The following FNDC3B variants were observed in gnomAD, a reference collection of about 807,000 sequenced individuals.
FNDC3B encodes fibronectin type III domain-containing protein 3B.
FNDC3B carries 12 observed loss-of-function variants against 151.5 expected under a neutral mutation model. That is an observed-to-expected ratio of 0.08 (90% CI 0.05 to 0.13). The LOEUF is 0.13. Ranked by LOEUF, FNDC3B falls within the 10% of genes least tolerant of loss-of-function variation. The pLI is 1.00. For missense variants in FNDC3B, 1,214 were observed against 1,505.3 expected (o/e 0.81, Z 3.20); for synonymous variants, 528 against 549.0 (o/e 0.96, Z 0.54).
chr3:172,153,568 C>T (rs1188451202), intron 3 of FNDC3B, among the ~76,000 whole-genome samples: 4 of 152,144 alleles, frequency 2.6e-5, no homozygotes, highest in East Asian at 3.9e-4. Flanking sequence ...CAGCGGGATA[C>T]GGAACAAATT....
intron 6 of FNDC3B, among the ~76,000 whole-genome samples, chr3:172,255,092 A>C (rs1474625517): frequency 6.6e-6 from 1 of 152,172 alleles, no homozygotes; most frequent in Non-Finnish European, 1.5e-5. Flanking sequence ...CAAAGTAGGC[A>C]TCTCTCTACT....
chr3:172,205,163 G>A (rs1725359579), intron 3 of FNDC3B, among the ~76,000 whole-genome samples: 1 of 152,112 alleles, frequency 6.6e-6, no homozygotes, highest in African/African-American at 2.4e-5. Flanking sequence ...TTTAAAACCA[G>A]AATTACCATC....
intron 3 of FNDC3B, among the ~76,000 whole-genome samples, chr3:172,153,494 C>T (rs1317784107): frequency 6.6e-6 from 1 of 152,180 alleles, no homozygotes; most frequent in Non-Finnish European, 1.5e-5. Context: ...TGGCCTCCCA[C>T]AACTGAGCAG....
chr3:172,198,101 G>A (rs550274098), intron 3 of FNDC3B, among the ~76,000 whole-genome samples: 1 of 152,128 alleles, frequency 6.6e-6, no homozygotes, highest in South Asian at 2.1e-4. Flanking sequence ...CCCATCTTAT[G>A]TGTGCTTTTA....
At chr3:172,068,338 T>TTGA (rs1717605959) in intron 1 of FNDC3B, among the ~76,000 whole-genome samples, 2 of 152,232 alleles carry the variant, frequency 1.3e-5, no homozygotes, top group Non-Finnish European at 2.9e-5. Context: ...CTCATCCCTC[T>TTGA]GTTTCCTCAG....
intron 22 of FNDC3B, among the ~76,000 whole-genome samples, chr3:172,362,332 TA>T (rs1734405336): frequency 6.6e-6 from 1 of 152,174 alleles, no homozygotes; most frequent in African/African-American, 2.4e-5. Context: ...GGACAAAATA[TA>T]AAAGCGTATC....
intron 3 of FNDC3B, among the ~76,000 whole-genome samples, chr3:172,138,688 G>C (rs1332206211): frequency 6.6e-6 from 1 of 152,220 alleles, no homozygotes; most frequent in Non-Finnish European, 1.5e-5. Context: ...CATTATGTTA[G>C]TAAACAGTAA....
chr3:172,287,044 C>G (rs566912215), intron 7 of FNDC3B, among the ~76,000 whole-genome samples: 1 of 152,256 alleles, frequency 6.6e-6, no homozygotes, highest in East Asian at 1.9e-4. Context: ...TATCAAATGT[C>G]AAGGATAACT....
intron 11 of FNDC3B, among the ~76,000 whole-genome samples, chr3:172,315,689 T>C (rs1022410483): frequency 6.6e-6 from 1 of 152,210 alleles, no homozygotes; most frequent in African/African-American, 2.4e-5. Flanking sequence ...TTTATTTCAG[T>C]GTCCCCGCCC....
chr3:172,307,625 T>C, intron 10 of FNDC3B, 124 bp downstream of exon 10: 1 of 910,200 alleles, frequency 1.1e-6, no homozygotes, highest in East Asian at 2.6e-5. Context: ...CCCAGGAGTT[T>C]CAAGGCTGCA....
At chr3:172,144,816 G>T (rs1330655260) in intron 3 of FNDC3B, among the ~76,000 whole-genome samples, 1 of 151,930 alleles carries the variant, frequency 6.6e-6, no homozygotes, top group African/African-American at 2.4e-5. Flanking sequence ...TATTTGTGAG[G>T]CAAGACTGCT....
At chr3:172,091,373 C>T (rs1376801100) in intron 1 of FNDC3B, among the ~76,000 whole-genome samples, 2 of 151,832 alleles carry the variant, frequency 1.3e-5, no homozygotes, top group African/African-American at 2.4e-5. Context: ...TTTGCTCTAT[C>T]TATGTAATTT....
In FNDC3B at chr3:172,259,355, G is replaced by A. The variant is rs192192330; in HGVS notation, c.790+7814G>A. Reference sequence around the variant, plus strand: ...TAACATCGCCACTTCCATTTCAAGCGTAGGCTGCCAGATCTCTCTGCTTAG... The same window carrying A: ...TAACATCGCCACTTCCATTTCAAGCATAGGCTGCCAGATCTCTCTGCTTAG... On this transcript the variant is annotated intron_variant, in intron 6 of 25. Transcript: ENST00000415807. Among the ~76,000 whole-genome samples, 294 of 152,306 alleles carry A rather than the reference G, an allele frequency of 1.9e-3. 2 individuals carry two copies. Among genetic ancestry groups the A allele is most frequent in the Non-Finnish European group, 3.0e-3 (206 of 68,026 alleles).
chr3:172,247,868 C>A, intron 5 of FNDC3B, 92 bp downstream of exon 5: 1 of 1,401,848 alleles, frequency 7.1e-7, no homozygotes, highest in Non-Finnish European at 9.9e-7. Context: ...GTGAAATAAG[C>A]ATAGTAGAAA....
chr3:172,083,752 CT>C (rs1329475586), intron 1 of FNDC3B, among the ~76,000 whole-genome samples: 2 of 152,200 alleles, frequency 1.3e-5, no homozygotes, highest in African/African-American at 4.8e-5. Flanking sequence ...TTGACGTCTT[CT>C]TACGATTTCA....
chr3:172,205,549 T>G (rs1454446149), intron 3 of FNDC3B, among the ~76,000 whole-genome samples: 1 of 152,144 alleles, frequency 6.6e-6, no homozygotes, highest in Non-Finnish European at 1.5e-5. Flanking sequence ...ATTTGTGGAG[T>G]GTGGAATTGA....
intron 3 of FNDC3B, among the ~76,000 whole-genome samples, chr3:172,193,565 A>G (rs976488756): frequency 4.6e-5 from 7 of 151,162 alleles, no homozygotes; most frequent in Non-Finnish European, 1.0e-4. Flanking sequence ...TCTGCTCTGC[A>G]TGCCCTGTAG....
At chr3:172,244,188 T>C (rs1185144896) in intron 4 of FNDC3B, among the ~76,000 whole-genome samples, 1 of 152,206 alleles carries the variant, frequency 6.6e-6, no homozygotes, top group East Asian at 1.9e-4. Flanking sequence ...TGTCAGGAAA[T>C]AATAGTTGAA....
At chr3:172,283,540 T>G (rs1729849903) in intron 6 of FNDC3B, among the ~76,000 whole-genome samples, 1 of 152,242 alleles carries the variant, frequency 6.6e-6, no homozygotes, top group Non-Finnish European at 1.5e-5. Flanking sequence ...TTGTTGCCTT[T>G]CTAAGATAAT....
Sources: allele counts gnomAD v4.1 joint callset (sites outside exome capture counted in the v4.1 genomes callset), GRCh38; gene constraint gnomAD v4.1.1; transcripts MANE v1.5; gene names NCBI Gene and HGNC (gene_info 2026-07-23, HGNC 2026-07-21).